The following SH3GL1 variants were observed in gnomAD, a reference collection of about 807,000 sequenced individuals.
The protein encoded by SH3GL1 is SH3 domain containing GRB2 like 1, endophilin A2, also known as endophilin-A2.
SH3GL1 carries 21 observed loss-of-function variants against 48.8 expected under a neutral mutation model. The ratio of observed to expected loss-of-function variants is 0.43; its 90% CI spans 0.30 to 0.62. SH3GL1 has a LOEUF of 0.62. Ranked by LOEUF, SH3GL1 falls within the 20% of genes least tolerant of loss-of-function variation. The pLI, the probability that SH3GL1 is intolerant of heterozygous loss-of-function variation, is 0.11. For missense variants in SH3GL1, 454 were observed against 503.0 expected (o/e 0.90, Z 0.93); for synonymous variants, 282 against 217.5 (o/e 1.30, Z -2.61).
intron 1 of SH3GL1, among the ~76,000 whole-genome samples, chr19:4,393,651 G>T (rs552586909): frequency 6.6e-6 from 1 of 151,908 alleles, no homozygotes; most frequent in Non-Finnish European, 1.5e-5. Context: ...TGAGCTGGGC[G>T]TGGTGGTATG....
chr19:4,364,677 C>T (rs1300980057), intron 4 of SH3GL1: 1 of 162,886 alleles, frequency 6.1e-6, no homozygotes, highest in Non-Finnish European at 1.3e-5. Context: ...GATCCGCCCG[C>T]CTCGGCCTCC....
intron 1 of SH3GL1, among the ~76,000 whole-genome samples, chr19:4,369,126 C>G (rs1248185336): frequency 6.6e-6 from 1 of 152,226 alleles, no homozygotes; most frequent in African/African-American, 2.4e-5. Context: ...CGCGGGAGGG[C>G]TGACTCTGGC....
In SH3GL1 at chr19:4,360,525, G is replaced by A. The variant is rs372885603; in HGVS notation, c.*1075C>T. ...CAGGGCAGAGCAGAGCCTGGGGTCC[G>A]GAGGCTTCACTGGACCACAGGGGGA... is the stretch of plus-strand genomic sequence containing the variant. On this transcript the variant is annotated 3_prime_UTR_variant, in exon 10 of 10. Transcript: ENST00000269886. 34 of 233,800 alleles carry A rather than the reference G, an allele frequency of 1.5e-4. No individual in the cohort carries two copies. The highest frequency in any genetic ancestry group is 6.4e-4 in the African/African-American group (29 of 45,438). 14.5% of individuals were successfully genotyped at this position (233,800 alleles called of 1,614,324 possible).
chr19:4,397,361 A>G (rs1973444435), intron 1 of SH3GL1, among the ~76,000 whole-genome samples: 1 of 152,224 alleles, frequency 6.6e-6, no homozygotes, highest in African/African-American at 2.4e-5. Flanking sequence ...TGTCCTTTCC[A>G]GGCTTCAAGG....
intron 1 of SH3GL1, among the ~76,000 whole-genome samples, chr19:4,382,448 G>A (rs1197618621): frequency 9.2e-5 from 14 of 151,612 alleles, no homozygotes; most frequent in African/African-American, 3.1e-4. Context: ...TAGTAGAGAC[G>A]GGGTTTCACC....
chr19:4,385,134 C>G (rs1433292175), intron 1 of SH3GL1, among the ~76,000 whole-genome samples: 1 of 151,746 alleles, frequency 6.6e-6, no homozygotes, highest in African/African-American at 2.4e-5. Flanking sequence ...TACGAGAAAC[C>G]AAGCAAGAAA....
At chr19:4,362,877 G>A (rs979072050) in intron 7 of SH3GL1, 141 bp from the exon 8 acceptor site, 2 of 1,353,730 alleles carry the variant, frequency 1.5e-6, no homozygotes, top group South Asian at 2.4e-5. Flanking sequence ...ATGGACCCTG[G>A]GACACAGCTA....
chr19:4,396,399 CA>C (rs1185512534), intron 1 of SH3GL1, among the ~76,000 whole-genome samples: 3 of 152,054 alleles, frequency 2.0e-5, no homozygotes, highest in Non-Finnish European at 4.4e-5. Flanking sequence ...AGCTCCGTCT[CA>C]AAAACAAACA....
intron 1 of SH3GL1, among the ~76,000 whole-genome samples, chr19:4,391,989 T>C (rs1973346199): frequency 6.6e-6 from 1 of 152,212 alleles, no homozygotes; most frequent in Non-Finnish European, 1.5e-5. Context: ...CCATCATACG[T>C]GGACATCACA....
In SH3GL1 at chr19:4,365,469, G is replaced by C; in HGVS notation, c.331+13C>G. ...AGGGACGGTGGGCGTGGCTTCCAGA[G>C]AGCACCACTCACCAAAGTTGGACTC... On this transcript the variant is annotated intron_variant, in intron 4 of 9. Transcript: ENST00000269886. The C allele has an allele frequency of 6.2e-7, 1 of 1,613,134 alleles. No individual in the cohort carries two copies. The highest frequency in any genetic ancestry group is 8.5e-7 in the Non-Finnish European group (1 of 1,179,984).
chr19:4,372,299 G>A (rs532074358), intron 1 of SH3GL1, among the ~76,000 whole-genome samples: 20 of 152,326 alleles, frequency 1.3e-4, no homozygotes, highest in Non-Finnish European at 2.4e-4. Context: ...CTCTGTGCCC[G>A]GCCCCCAACG....
At chr19:4,375,803 C>T (rs893709862) in intron 1 of SH3GL1, among the ~76,000 whole-genome samples, 2 of 152,190 alleles carry the variant, frequency 1.3e-5, no homozygotes, top group African/African-American at 2.4e-5. Context: ...ACAAATGAGG[C>T]GATAAATCCC....
At position 4,367,131 on chromosome 19, in the gene SH3GL1, A is replaced by G. The variant is rs949177247; in HGVS notation, c.46-137T>C. 1 of 683,212 alleles carries G rather than the reference A, an allele frequency of 1.5e-6. No homozygotes were observed. 42.3% of individuals were successfully genotyped at this position (683,212 alleles called of 1,614,324 possible). The stretch of plus-strand genomic sequence containing the variant: ...GCCAAGTGATCAGGACACACACCTC[A>G]GGCACTGCCGTGGGCACCCCAGGGC... On this transcript the variant is annotated intron_variant, in intron 1 of 9. Transcript: ENST00000269886. This position sits in a 1 kb window ranked among gnomAD's most constrained non-coding sequence, Gnocchi z 4.2.
At chr19:4,377,562 G>T (rs1466421280) in intron 1 of SH3GL1, among the ~76,000 whole-genome samples, 1 of 152,218 alleles carries the variant, frequency 6.6e-6, no homozygotes, top group African/African-American at 2.4e-5. Context: ...CACGGGGCAG[G>T]GCAGGGGGTG....
intron 1 of SH3GL1, among the ~76,000 whole-genome samples, chr19:4,392,986 G>T (rs938097301): frequency 6.6e-6 from 1 of 152,134 alleles, no homozygotes; most frequent in Non-Finnish European, 1.5e-5. Context: ...ACCCGGGCGT[G>T]GTAGCTCACA....
At position 4,362,385 on chromosome 19, in the gene SH3GL1, G is replaced by A; in HGVS notation, c.854C>T (p.Ala285Val). 6.2e-7 allele frequency: 1 copy of A among 1,610,934 alleles called. No homozygotes were observed. ...GTCGGAAGATCGGAAAGACGATGAA[G>A]CTAAACACAAGCAAAACGAGGAGGC... ...FPCTTAPKIA[A>V]SSSFRSSDKP... The change falls in exon 9 of 10, where the codon GCT becomes GTT. Residue 285 changes from alanine to valine, a missense_variant and splice_region_variant. Ala to Val is a moderately conservative substitution (Grantham distance 64). Transcript: ENST00000269886.
intron 1 of SH3GL1, among the ~76,000 whole-genome samples, chr19:4,396,330 C>T (rs1028047600): frequency 1.3e-5 from 2 of 152,020 alleles, no homozygotes; most frequent in Non-Finnish European, 2.9e-5. Context: ...ACAGAGGAGG[C>T]GGAGGTTGCA....
At chr19:4,364,333 G>A (rs924172351) in intron 4 of SH3GL1, 112 bp from the exon 5 acceptor site, 17 of 1,354,726 alleles carry the variant, frequency 1.3e-5, no homozygotes, top group Non-Finnish European at 1.7e-5. Context: ...ACGCAGTGGC[G>A]CTGTACCAGC....
At chr19:4,382,606 A>G (rs931396878) in intron 1 of SH3GL1, among the ~76,000 whole-genome samples, 2 of 152,106 alleles carry the variant, frequency 1.3e-5, no homozygotes, top group Non-Finnish European at 2.9e-5. Context: ...GCCCTTGTGG[A>G]TAAGCCAGGA....
Sources: allele counts gnomAD v4.1 joint callset (sites outside exome capture counted in the v4.1 genomes callset), GRCh38; gene constraint gnomAD v4.1.1; non-coding constraint Gnocchi (gnomAD v3.1); transcripts MANE v1.5; gene names NCBI Gene and HGNC (gene_info 2026-07-23, HGNC 2026-07-21).